LYRM4: variants seen among roughly 807,000 people sequenced by gnomAD.
LYRM4 encodes the protein LYR motif-containing protein 4.
In LYRM4, 9 loss-of-function variants were observed where a neutral mutation model predicts 11.7. The observed-to-expected ratio is 0.77, with a 90% CI of 0.46 to 1.34. LYRM4 has a LOEUF of 1.34. Ranked by LOEUF, LYRM4 falls within the 40% of genes most tolerant of loss-of-function variation. The probability of loss-of-function intolerance (pLI) is 0.00; values close to 1 mark genes in which losing one functional copy is unlikely to be tolerated. For synonymous variants in LYRM4, 42 were observed against 40.4 expected, an observed-to-expected ratio of 1.04 and a Z score of -0.15; for missense variants, 133 against 112.5, an observed-to-expected ratio of 1.18 and a Z score of -0.82.
the LYRM4 span, chr6:5,085,944 G>T: frequency 1.3e-6 from 2 of 1,526,836 alleles, no homozygotes; most frequent in Admixed American, 4.0e-5. Flanking sequence ...AGGCGGAGGA[G>T]CCGCAGGTGC....
At chr6:5,187,522 A>G (rs1289667997) in intron 2 of LYRM4, among the ~76,000 whole-genome samples, 1 of 151,740 alleles carries the variant, frequency 6.6e-6, no homozygotes, top group Non-Finnish European at 1.5e-5. Flanking sequence ...CAAACACCGC[A>G]TGTTCTTACT....
At chr6:5,057,789 G>GTC in the LYRM4 span, among the ~76,000 whole-genome samples, 1 of 151,348 alleles carries the variant, frequency 6.6e-6, no homozygotes, top group African/African-American at 2.4e-5. Flanking sequence ...AAGAGACAGG[G>GTC]TCTCTCTCTG....
the LYRM4 span, among the ~76,000 whole-genome samples, chr6:5,091,228 G>C: frequency 6.6e-6 from 1 of 152,228 alleles, no homozygotes; most frequent in African/African-American, 2.4e-5. Flanking sequence ...GGGAACAGCT[G>C]ACAATCCGGG....
At chr6:5,074,576 G>A in the LYRM4 span, among the ~76,000 whole-genome samples, 5,293 of 151,564 alleles carry the variant, frequency 0.035, 157 homozygotes, top group African/African-American at 0.084. Context: ...CTGGGTTGTG[G>A]CAATTTCATG....
chr6:5,236,772 AC>A (rs1294143648), intron 1 of LYRM4, among the ~76,000 whole-genome samples: 1 of 149,076 alleles, frequency 6.7e-6, no homozygotes, highest in Non-Finnish European at 1.5e-5. Context: ...ACACAGTGAG[AC>A]CCTGTCTCTA....
chr6:5,059,369 T>A, the LYRM4 span, among the ~76,000 whole-genome samples: 1 of 150,338 alleles, frequency 6.7e-6, no homozygotes, highest in African/African-American at 2.5e-5. Context: ...AAGTCCTCTG[T>A]GTACATAAGA....
chr6:5,215,303 G>C (rs973506154), intron 2 of LYRM4, among the ~76,000 whole-genome samples: 1 of 152,162 alleles, frequency 6.6e-6, no homozygotes, highest in African/African-American at 2.4e-5. Context: ...CACTGCTAAA[G>C]GACCTCATAA....
intron 2 of LYRM4, 119 bp downstream of exon 2, chr6:5,216,499 G>C (rs1762279273): frequency 1.7e-6 from 2 of 1,148,886 alleles, no homozygotes; most frequent in Admixed American, 2.0e-5. Context: ...ACAAGGAACA[G>C]AGTTTCATGA....
chr6:5,200,321 GTC>G (rs1273870165), intron 2 of LYRM4, among the ~76,000 whole-genome samples: 2 of 152,136 alleles, frequency 1.3e-5, no homozygotes, highest in African/African-American at 4.8e-5. Context: ...TCGAGGACAT[GTC>G]TCTGGTATTC....
At chr6:5,155,976 T>C (rs1758389600) in intron 2 of LYRM4, among the ~76,000 whole-genome samples, 1 of 152,238 alleles carries the variant, frequency 6.6e-6, no homozygotes, top group African/African-American at 2.4e-5. Flanking sequence ...ACAAACCCAA[T>C]GTTCTCATTT....
chr6:5,256,563 C>T (rs1185395792), intron 1 of LYRM4, among the ~76,000 whole-genome samples: 2 of 136,064 alleles, frequency 1.5e-5, no homozygotes, highest in African/African-American at 2.7e-5. Flanking sequence ...GGTCTCAGGA[C>T]CCTTTTACAC....
Position 5,109,033 on chromosome 6 carries a change from A to C in LYRM4, c.*390T>G. On this transcript the variant is annotated 3_prime_UTR_variant, in exon 3 of 3. Transcript: ENST00000330636. ...AGGCCTTGTATCAGTAGGAAATGAA[A>C]ATGCATTAATTGGGAGGGGTTTATC... 2 of 1,008,510 alleles carry C rather than the reference A, an allele frequency of 2.0e-6. No individual in the cohort carries two copies. The highest frequency in any genetic ancestry group is 4.3e-5 in the South Asian group (1 of 23,502). The allele number at this position is 1,008,510 out of a possible 1,614,324, so 62.5% of individuals were successfully genotyped here. A position where few individuals can be genotyped will look rare whatever the true frequency, so the allele number is the denominator to read the frequency against.
intron 2 of LYRM4, among the ~76,000 whole-genome samples, chr6:5,144,652 A>G (rs1467649413): frequency 4.7e-5 from 7 of 149,604 alleles, no homozygotes; most frequent in Non-Finnish European, 8.9e-5. Context: ...AAAAAAAAAA[A>G]AAAGAAATAC....
the LYRM4 span, among the ~76,000 whole-genome samples, chr6:5,062,115 C>T: frequency 1.0e-3 from 134 of 128,382 alleles, no homozygotes; most frequent in African/African-American, 3.6e-3. Flanking sequence ...GATAGGGTCT[C>T]GCTCTGTTGC....
the LYRM4 span, among the ~76,000 whole-genome samples, chr6:5,083,504 GC>G: frequency 5.3e-5 from 8 of 152,172 alleles, no homozygotes; most frequent in Non-Finnish European, 8.8e-5. Context: ...ATCACTCCCA[GC>G]CCAGGCTTAG....
chr6:5,119,981 G>A (rs535358903), intron 2 of LYRM4, among the ~76,000 whole-genome samples: 75 of 151,496 alleles, frequency 5.0e-4, no homozygotes, highest in African/African-American at 1.6e-3. Context: ...TGCAACCTCT[G>A]CCTCCTGGGT....
chr6:5,213,322 C>T (rs541851150), intron 2 of LYRM4, among the ~76,000 whole-genome samples: 2 of 152,212 alleles, frequency 1.3e-5, no homozygotes, highest in South Asian at 2.1e-4. Context: ...GGTTATGGGA[C>T]GCGGGGGTGG....
chr6:5,053,379 G>T, the LYRM4 span, among the ~76,000 whole-genome samples: 3 of 152,076 alleles, frequency 2.0e-5, no homozygotes, highest in African/African-American at 7.2e-5. Context: ...CCCTACCTCA[G>T]GGCCATGAAT....
rs539945048 is a variant in LYRM4 at position 5,133,413 on chromosome 6, C to T, written c.208-23922G>A. Among the ~76,000 whole-genome samples, 66 of 152,260 alleles carry T rather than the reference C, an allele frequency of 4.3e-4. 1 individual carries two copies. Among genetic ancestry groups the T allele is most frequent in the African/African-American group, 1.4e-3 (58 of 41,558 alleles). ...AACTTGCACGGGCTTAAATCTAGCA[C>T]GCCACCACCACCTGTGAGGAAGGCT... On this transcript the variant is annotated intron_variant, in intron 2 of 2. Transcript: ENST00000330636.
Sources: allele counts gnomAD v4.1 joint callset (sites outside exome capture counted in the v4.1 genomes callset), GRCh38; gene constraint gnomAD v4.1.1; transcripts MANE v1.5; gene names NCBI Gene and HGNC (gene_info 2026-07-23, HGNC 2026-07-21).